Variants in CACNA1I observed in about 807,000 individuals in gnomAD.
CACNA1I encodes voltage-dependent T-type calcium channel subunit alpha-1I.
In CACNA1I, 74 loss-of-function variants were observed where a neutral mutation model predicts 201.6. The ratio of observed to expected loss-of-function variants is 0.37; its 90% CI spans 0.30 to 0.45. CACNA1I has a LOEUF of 0.45. Ranked by LOEUF, CACNA1I falls within the 20% of genes least tolerant of loss-of-function variation. CACNA1I has a pLI of 1.00. For missense variants in CACNA1I, 2,346 were observed against 3,138.1 expected (o/e 0.75, Z 6.03); for synonymous variants, 1,431 against 1,345.2 (o/e 1.06, Z -1.40).
rs1935097055 is a variant in CACNA1I, at chr22:39,663,736, G to C, written c.3492G>C (p.Gln1164His). ...TGCCCAGGTTCCGGGTCCTGTGTCA[G>C]ACCATTATTGCCCACAAACTCTTCG... Reference protein sequence around the residue: ...SPENRFRVLCQTIIAHKLFDY... With the variant: ...SPENRFRVLCHTIIAHKLFDY... The change falls in exon 19 of 37, where the codon CAG becomes CAC. Residue 1164 changes from glutamine to histidine, a missense_variant. This residue lies in a region of CACNA1I where 158 missense variants were observed against 231.6 expected (regional missense o/e 0.68). Transcript: ENST00000402142. 6 of 1,579,702 alleles carry C rather than the reference G, an allele frequency of 3.8e-6. No individual in the cohort carries two copies. Among genetic ancestry groups the C allele is most frequent in the Non-Finnish European group, 4.3e-6 (5 of 1,153,612 alleles).
chr22:39,686,570 C>T lies in CACNA1I; in HGVS notation c.*165C>T, dbSNP rs532379115. On this transcript the variant is annotated 3_prime_UTR_variant, in exon 37 of 37. Transcript: ENST00000402142. ...TGAGCGGAGTCTGGGTTAGCCAGGC[C>T]TGCGTGGCCCATGGTGGCCCTTCCA... The T allele has an allele frequency of 2.9e-6, 1 of 346,658 alleles. No homozygotes were observed. Among genetic ancestry groups the T allele is most frequent in the Non-Finnish European group, 4.9e-6 (1 of 203,716 alleles). 21.5% of individuals were successfully genotyped at this position (346,658 alleles called of 1,614,324 possible). A position where few individuals can be genotyped will look rare whatever the true frequency, so the allele number is the denominator to read the frequency against.
At chr22:39,572,753 C>T (rs1476162371) in intron 1 of CACNA1I, among the ~76,000 whole-genome samples, 1 of 151,806 alleles carries the variant, frequency 6.6e-6, no homozygotes, top group African/African-American at 2.4e-5. Flanking sequence ...CAGGGACCAC[C>T]CATTTGGCTA....
rs1008185135 is a variant in CACNA1I at position 39,661,169 on chromosome 22, G to C, written c.2760G>C (p.Leu920=). The C allele has an allele frequency of 6.2e-7, 1 of 1,613,148 alleles. No homozygotes were observed. The highest frequency in any genetic ancestry group is 8.5e-7 in the Non-Finnish European group (1 of 1,179,744). ...GGCACCTGGACCCCAGTCTCCCACT[G>C]GGTGGGCACCTAGGTCCTGCTGGGG... is the stretch of plus-strand genomic sequence containing the variant. The part of the protein sequence containing the change: ...PNGHLDPSLP[L]GGHLGPAGAA... Residue 920 remains leucine, a synonymous_variant, in exon 16 of 37, where the codon CTG becomes CTC. Transcript: ENST00000402142.
chr22:39,595,571 G>A (rs1932872348), intron 1 of CACNA1I, among the ~76,000 whole-genome samples: 1 of 151,460 alleles, frequency 6.6e-6, no homozygotes, highest in African/African-American at 2.4e-5. Context: ...GTTGCAGTGA[G>A]CTGGGATCTT....
At position 39,684,949 on chromosome 22, in the gene CACNA1I, G is replaced by A. The variant is rs949725510; in HGVS notation, c.6027+451G>A. ...GAAGCCTCGGGCTGCAGGGTCCCCC[G>A]TACTGGATTGGCCAGGGCCACAGCC... On this transcript the variant is annotated intron_variant, in intron 36 of 36. Coordinates refer to ENST00000402142, the MANE Select transcript of CACNA1I (RefSeq NM_021096.4). This position sits in a 1 kb window ranked among gnomAD's most constrained non-coding sequence, Gnocchi z 4.6. 5 of 306,744 alleles carry A rather than the reference G, an allele frequency of 1.6e-5. No individual in the cohort carries two copies. The highest frequency in any genetic ancestry group is 4.3e-5 in the African/African-American group (2 of 46,998). The allele number at this position is 306,744 out of a possible 1,614,324, so 19.0% of individuals were successfully genotyped here. A position where few individuals can be genotyped will look rare whatever the true frequency, so the allele number is the denominator to read the frequency against.
In CACNA1I at chr22:39,659,535, C is replaced by T. The variant is rs150029078; in HGVS notation, c.2433C>T (p.Ile811=). The T allele has an allele frequency of 1.3e-4, 216 of 1,605,088 alleles. No homozygotes were observed. In the East Asian group the frequency reaches 4.6e-3, roughly 34 times the overall value. Residue 811 remains isoleucine, a synonymous_variant, in exon 13 of 37, where the codon ATC becomes ATT. Transcript: ENST00000402142. The surrounding 1 kb of genome is among the most constrained non-coding windows in gnomAD (Gnocchi z 4.3). ...ACTTCGACTCCCTGCTGTGGGCCAT[C>T]GTCACTGTGTTCCAGGTGAGTGGCC... ...RKNFDSLLWA[I]VTVFQILTQE... is the part of the protein sequence containing the mutation.
chr22:39,595,172 C>T (rs1293615685), intron 1 of CACNA1I, among the ~76,000 whole-genome samples: 1 of 151,718 alleles, frequency 6.6e-6, no homozygotes, highest in Non-Finnish European at 1.5e-5. Flanking sequence ...GCCTGTAGTC[C>T]CAGCTGCTCA....
At position 39,666,480 on chromosome 22, in the gene CACNA1I, C is replaced by T. The variant is rs369644230; in HGVS notation, c.4104+474C>T. Among the ~76,000 whole-genome samples the T allele has an allele frequency of 7.9e-5, 12 of 152,318 alleles. No individual in the cohort carries two copies. Among genetic ancestry groups the T allele is most frequent in the South Asian group, 2.1e-4 (1 of 4,826 alleles). Reference sequence around the variant, plus strand: ...GGTGGTACTCTCTCCCCTCACCCACCGCTGCTCTCTGCTCTGTCGGCAGGC... The same window carrying T: ...GGTGGTACTCTCTCCCCTCACCCACTGCTGCTCTCTGCTCTGTCGGCAGGC... On this transcript the variant is annotated intron_variant, in intron 23 of 36. Coordinates refer to ENST00000402142, the MANE Select transcript of CACNA1I (RefSeq NM_021096.4). This position sits in a 1 kb window ranked among gnomAD's most constrained non-coding sequence, Gnocchi z 4.1.
At chr22:39,590,635 A>G (rs910074793) in intron 1 of CACNA1I, among the ~76,000 whole-genome samples, 1 of 152,190 alleles carries the variant, frequency 6.6e-6, no homozygotes, top group Admixed American at 6.5e-5. Flanking sequence ...GGATGTGTGG[A>G]TGAGAACATG....
At chr22:39,594,036 C>T (rs1932852036) in intron 1 of CACNA1I, among the ~76,000 whole-genome samples, 1 of 151,996 alleles carries the variant, frequency 6.6e-6, no homozygotes, top group South Asian at 2.1e-4. Context: ...GCTGAGAGGC[C>T]TCAGGGGAGG....
intron 6 of CACNA1I, 61 bp from the exon 7 acceptor site, chr22:39,642,736 C>T: frequency 8.3e-7 from 1 of 1,204,200 alleles, no homozygotes; most frequent in East Asian, 2.5e-5. Context: ...GGGGCACTGC[C>T]TGGGCTACGG....
At chr22:39,632,504 C>T (rs967161193) in intron 4 of CACNA1I, among the ~76,000 whole-genome samples, 1 of 152,124 alleles carries the variant, frequency 6.6e-6, no homozygotes, top group African/African-American at 2.4e-5. Flanking sequence ...CCGGAGCGGC[C>T]CCACTCCCCA....
At chr22:39,641,271 C>G in intron 6 of CACNA1I, 89 bp downstream of exon 6, 1 of 1,117,512 alleles carries the variant, frequency 8.9e-7, no homozygotes, top group South Asian at 1.5e-5. Flanking sequence ...ATTTGCCAGC[C>G]CTCATCTCAC....
intron 5 of CACNA1I, among the ~76,000 whole-genome samples, chr22:39,637,534 A>C (rs1173942141): frequency 6.6e-6 from 1 of 152,172 alleles, no homozygotes; most frequent in Non-Finnish European, 1.5e-5. Flanking sequence ...GTATTTACCC[A>C]AAAAAGGGAT....
At chr22:39,620,049 A>ATCCATCCATCCG (rs1438691559) in intron 4 of CACNA1I, among the ~76,000 whole-genome samples, 2 of 140,752 alleles carry the variant, frequency 1.4e-5, no homozygotes, top group South Asian at 2.4e-4. Flanking sequence ...CCATCCATCC[A>ATCCATCCATCCG]TCCACCCACC....
At position 39,642,693 on chromosome 22, in the gene CACNA1I, G is replaced by A. The variant is rs532964639; in HGVS notation, c.1057-104G>A. Reference sequence around the variant, plus strand: ...GAGACAGACTCGAGGCAGCATGTGTGATGCGTTCTGGCACACAGTGGGGCC... The same window carrying A: ...GAGACAGACTCGAGGCAGCATGTGTAATGCGTTCTGGCACACAGTGGGGCC... On this transcript the variant is annotated intron_variant, in intron 6 of 36. Coordinates refer to ENST00000402142, the MANE Select transcript of CACNA1I (RefSeq NM_021096.4). 8.4e-4 allele frequency: 606 copies of A among 723,816 alleles called. 10 individuals carry two copies. The highest frequency in any genetic ancestry group is 7.0e-3 in the South Asian group (439 of 62,780). 44.8% of individuals were successfully genotyped at this position (723,816 alleles called of 1,614,324 possible). A position where few individuals can be genotyped will look rare whatever the true frequency, so the allele number is the denominator to read the frequency against.
chr22:39,578,948 C>T (rs1437817592), intron 1 of CACNA1I, among the ~76,000 whole-genome samples: 1 of 152,202 alleles, frequency 6.6e-6, no homozygotes, highest in African/African-American at 2.4e-5. Flanking sequence ...GTTCTCAACC[C>T]CACCAGCCCC....
rs527757073 is a variant in CACNA1I, at chr22:39,665,143, C to T, written c.3851+220C>T. 3.9e-4 allele frequency among the ~76,000 whole-genome samples: 59 copies of T among 152,228 alleles called. No individual in the cohort carries two copies. Among genetic ancestry groups the T allele is most frequent in the Non-Finnish European group, 7.6e-4 (52 of 68,004 alleles). On this transcript the variant is annotated intron_variant, in intron 21 of 36. Transcript: ENST00000402142. This position sits in a 1 kb window ranked among gnomAD's most constrained non-coding sequence, Gnocchi z 5.5. ...TGAAGCTGGACCCCAGTATTGCTGC[C>T]CACTCTGCGTGTCCCTGAGTGGCTC... is the stretch of plus-strand genomic sequence containing the variant.
intron 27 of CACNA1I, 91 bp from the exon 28 acceptor site, chr22:39,672,858 A>G (rs1390129544): frequency 1.1e-5 from 16 of 1,407,148 alleles, no homozygotes; most frequent in Non-Finnish European, 1.5e-5. Flanking sequence ...TAGAAGGGTC[A>G]GGACCTGGGA....
Sources: allele counts gnomAD v4.1 joint callset (sites outside exome capture counted in the v4.1 genomes callset), GRCh38; gene constraint gnomAD v4.1.1; regional missense constraint gnomAD v4.1.1; non-coding constraint Gnocchi (gnomAD v3.1); transcripts MANE v1.5; gene names NCBI Gene and HGNC (gene_info 2026-07-23, HGNC 2026-07-21).